Variants in USP34 observed in about 807,000 individuals in gnomAD.
The protein encoded by USP34 is ubiquitin carboxyl-terminal hydrolase 34.
USP34 carries 70 observed loss-of-function variants against 460.3 expected under a neutral mutation model. The ratio of observed to expected loss-of-function variants is 0.15; its 90% CI spans 0.13 to 0.19. USP34 has a LOEUF of 0.19. Ranked by LOEUF, USP34 falls within the 10% of genes least tolerant of loss-of-function variation. The pLI, the probability that USP34 is intolerant of heterozygous loss-of-function variation, is 1.00. For synonymous variants in USP34, 1,647 were observed against 1,405.3 expected, an observed-to-expected ratio of 1.17 and a Z score of -3.85; for missense variants, 3,985 against 4,236.2, an observed-to-expected ratio of 0.94 and a Z score of 1.65.
chr2:61,300,468 T>C (rs1417962965), intron 29 of USP34, among the ~76,000 whole-genome samples: 1 of 148,742 alleles, frequency 6.7e-6, no homozygotes, highest in African/African-American at 2.5e-5. Flanking sequence ...ATCACAGGCG[T>C]GAGCCACCGC....
In USP34 at chr2:61,370,608, T is replaced by TA. The variant is rs761992455; in HGVS notation, c.1077-30dup. On this transcript the variant is annotated intron_variant, in intron 8 of 79. Coordinates refer to ENST00000398571, the MANE Select transcript of USP34 (RefSeq NM_014709.4). ...AAGTCAAGCAATGAAAATAGTACATTAAAAAAAATTGTCATCTTTTCTCAT... is the reference window on the plus strand; with the variant it reads ...AAGTCAAGCAATGAAAATAGTACATTAAAAAAAAATTGTCATCTTTTCTCAT... 1.4e-3 allele frequency: 2,169 copies of TA among 1,589,138 alleles called. 2 individuals are homozygous for TA. Among genetic ancestry groups the TA allele is most frequent in the Non-Finnish European group, 1.6e-3 (1,824 of 1,169,488 alleles).
At chr2:61,343,742 C>G (rs1238766348) in intron 16 of USP34, 73 bp downstream of exon 16, 31 of 1,469,660 alleles carry the variant, frequency 2.1e-5, no homozygotes, top group Non-Finnish European at 2.9e-5. Flanking sequence ...ACTATTGAGT[C>G]CTTTCAACAA....
intron 2 of USP34, among the ~76,000 whole-genome samples, chr2:61,413,224 A>C (rs1694095153): frequency 6.6e-6 from 1 of 151,604 alleles, no homozygotes; most frequent in Non-Finnish European, 1.5e-5. Flanking sequence ...TGAAACCCTG[A>C]CTCTACTAAA....
intron 41 of USP34, among the ~76,000 whole-genome samples, chr2:61,274,779 G>A (rs2103942273): frequency 6.6e-6 from 1 of 152,318 alleles, no homozygotes; most frequent in South Asian, 2.1e-4. Context: ...AGCTTCCACA[G>A]ACAGTTAACT....
At chr2:61,264,242 C>G (rs1688981340) in intron 43 of USP34, among the ~76,000 whole-genome samples, 1 of 152,156 alleles carries the variant, frequency 6.6e-6, no homozygotes, top group African/African-American at 2.4e-5. Context: ...AAACTATGAA[C>G]TGGAGACTTT....
intron 58 of USP34, among the ~76,000 whole-genome samples, chr2:61,230,707 G>A (rs1349342689): frequency 2.6e-5 from 4 of 151,882 alleles, no homozygotes; most frequent in Non-Finnish European, 4.4e-5. Flanking sequence ...AGCTGGGCAC[G>A]GTGGTGCGCG....
chr2:61,321,903 A>G (rs1322510801), intron 21 of USP34, among the ~76,000 whole-genome samples: 1 of 152,182 alleles, frequency 6.6e-6, no homozygotes, highest in Non-Finnish European at 1.5e-5. Context: ...TGTATATAGG[A>G]GATAAATAAG....
chr2:61,381,801 T>C (rs1692983685), intron 6 of USP34, among the ~76,000 whole-genome samples: 1 of 152,162 alleles, frequency 6.6e-6, no homozygotes, highest in South Asian at 2.1e-4. Context: ...AACTCTTACA[T>C]TAATGAAAAC....
At chr2:61,383,436 C>T (rs531491709) in intron 5 of USP34, 100 bp from the exon 6 acceptor site, 16 of 820,540 alleles carry the variant, frequency 1.9e-5, no homozygotes, top group Non-Finnish European at 2.6e-5. Context: ...CAGGCACGGT[C>T]GCTCACGCCT....
rs569807628 is a variant in USP34, at chr2:61,217,159, G to A, written c.8048-2465C>T. 5.9e-5 allele frequency among the ~76,000 whole-genome samples: 9 copies of A among 152,058 alleles called. No individual in the cohort carries two copies. The South Asian group carries it at 1.9e-3, about 32-fold the overall frequency. On this transcript the variant is annotated intron_variant, in intron 67 of 79. Coordinates refer to ENST00000398571, the MANE Select transcript of USP34 (RefSeq NM_014709.4). ...GAAGTTCTGCTTCAGAAAAAAACAC[G>A]ACTTTTAAATTATGTTTTTCTTTAA...
intron 1 of USP34, among the ~76,000 whole-genome samples, chr2:61,422,247 T>C (rs1210878603): frequency 1.3e-5 from 2 of 152,202 alleles, no homozygotes; most frequent in African/African-American, 4.8e-5. Flanking sequence ...CAGTACGCCA[T>C]GCCAGTTTTC....
intron 18 of USP34, among the ~76,000 whole-genome samples, chr2:61,338,309 A>C (rs943129769): frequency 6.6e-6 from 1 of 152,226 alleles, no homozygotes; most frequent in African/African-American, 2.4e-5. Context: ...CGATGGAGCA[A>C]GACTCCATGT....
intron 41 of USP34, among the ~76,000 whole-genome samples, chr2:61,267,763 A>G (rs1224480913): frequency 6.6e-6 from 1 of 151,988 alleles, no homozygotes; most frequent in Non-Finnish European, 1.5e-5. Context: ...ACAGGCGCCC[A>G]CCACAACACC....
Position 61,224,580 on chromosome 2 carries a change from AC to A in USP34, c.7596-1285del, listed in dbSNP as rs541302227. Among the ~76,000 whole-genome samples the A allele has an allele frequency of 9.2e-5, 14 of 152,274 alleles. No individual in the cohort carries two copies. In the East Asian group the frequency reaches 2.7e-3, roughly 29 times the overall value. On this transcript the variant is annotated intron_variant, in intron 62 of 79. Transcript: ENST00000398571. Reference sequence around the variant, plus strand: ...AGCTTGAATACATATAAGAACACAAACTTCCCCTCAATCACCATTTGGTTGC... The same window carrying A: ...AGCTTGAATACATATAAGAACACAAATTCCCCTCAATCACCATTTGGTTGC...
chr2:61,314,849 A>G, intron 24 of USP34, 26 bp downstream of exon 24: 1 of 1,601,270 alleles, frequency 6.2e-7, no homozygotes, highest in Non-Finnish European at 8.5e-7. Context: ...GAAATTACCT[A>G]TCAGACAATG....
intron 75 of USP34, among the ~76,000 whole-genome samples, chr2:61,194,946 T>A (rs1250442402): frequency 6.1e-5 from 6 of 98,300 alleles, no homozygotes; most frequent in Non-Finnish European, 1.0e-4. Context: ...AGAGTGAAAC[T>A]CTGTCAAAAA....
intron 10 of USP34, among the ~76,000 whole-genome samples, chr2:61,365,333 A>G (rs1692403233): frequency 6.6e-6 from 1 of 151,462 alleles, no homozygotes; most frequent in Admixed American, 6.6e-5. Flanking sequence ...GTGTGTATAT[A>G]TGTATGTATG....
intron 1 of USP34, among the ~76,000 whole-genome samples, chr2:61,436,552 T>C (rs979843191): frequency 5.3e-5 from 8 of 152,136 alleles, no homozygotes; most frequent in African/African-American, 1.4e-4. Flanking sequence ...GACCCAGATA[T>C]ACAACATAAT....
chr2:61,403,290 A>G (rs1265829734), intron 3 of USP34, among the ~76,000 whole-genome samples: 1 of 152,168 alleles, frequency 6.6e-6, no homozygotes, highest in Non-Finnish European at 1.5e-5. Flanking sequence ...GAAAGAAAAA[A>G]CACTGATGAG....
Sources: allele counts gnomAD v4.1 joint callset (sites outside exome capture counted in the v4.1 genomes callset), GRCh38; gene constraint gnomAD v4.1.1; transcripts MANE v1.5; gene names NCBI Gene and HGNC (gene_info 2026-07-23, HGNC 2026-07-21).